The following HPSE2 variants were observed in gnomAD, a reference collection of about 807,000 sequenced individuals.
HPSE2 encodes the protein inactive heparanase-2.
Under a neutral mutation model 60.5 loss-of-function variants are expected in HPSE2, and 38 were observed. That is an observed-to-expected ratio of 0.63 (90% confidence interval 0.48 to 0.82). The LOEUF (loss-of-function observed/expected upper bound fraction) is 0.82, where lower values mean the gene tolerates loss of function less well. HPSE2 is among the 40% of genes least tolerant of loss of function. The pLI is 0.00. For synonymous variants in HPSE2, 295 were observed against 293.2 expected (o/e 1.01, Z -0.06); for missense variants, 713 against 740.4 (o/e 0.96, Z 0.43).
intron 3 of HPSE2, among the ~76,000 whole-genome samples, chr10:99,136,725 T>C (rs1321981976): frequency 6.6e-6 from 1 of 152,192 alleles, no homozygotes; most frequent in Non-Finnish European, 1.5e-5. Context: ...AAACTGGGTA[T>C]TGATGGAACA....
At chr10:99,259,449 C>A in the HPSE2 span, among the ~76,000 whole-genome samples, 1 of 151,970 alleles carries the variant, frequency 6.6e-6, no homozygotes, top group African/African-American at 2.4e-5. Flanking sequence ...AAGAAACAAG[C>A]AACCTAATAA....
rs1156357919 is a variant in HPSE2, at chr10:98,940,133, A to G, written c.611-196077T>C. On this transcript the variant is annotated intron_variant, in intron 3 of 11. Transcript: ENST00000370552. ...TAAATGCCCACAAGAGAAAGCAGGA[A>G]AGATCCAAAATTGACACCCTAACAT... Among the ~76,000 whole-genome samples, 6 of 143,914 alleles carry G rather than the reference A, an allele frequency of 4.2e-5. 2 individuals carry two copies. The highest frequency in any genetic ancestry group is 1.7e-4 in the African/African-American group (6 of 35,354). 94.4% of individuals were successfully genotyped at this position (143,914 alleles called of 152,430 possible).
intron 3 of HPSE2, among the ~76,000 whole-genome samples, chr10:98,943,644 G>T (rs2135164820): frequency 6.6e-6 from 1 of 152,090 alleles, no homozygotes; most frequent in East Asian, 1.9e-4. Flanking sequence ...CTCTCCCCCT[G>T]CTGTCTCTAT....
At chr10:98,631,224 A>G (rs182537726) in intron 7 of HPSE2, among the ~76,000 whole-genome samples, 167 of 152,230 alleles carry the variant, frequency 1.1e-3, no homozygotes, top group African/African-American at 3.7e-3. Flanking sequence ...TGCACTTGTT[A>G]TCTCAAACCA....
chr10:98,528,833 A>G (rs1943049217), intron 9 of HPSE2, among the ~76,000 whole-genome samples: 1 of 152,204 alleles, frequency 6.6e-6, no homozygotes, highest in East Asian at 1.9e-4. Context: ...AAGAAAGGCC[A>G]TGTATTTTTA....
intron 3 of HPSE2, among the ~76,000 whole-genome samples, chr10:98,750,070 G>C (rs1444626871): frequency 6.6e-6 from 1 of 151,714 alleles, no homozygotes; most frequent in Admixed American, 6.6e-5. Flanking sequence ...AGATAGTATA[G>C]AACCAATAGT....
intron 4 of HPSE2, among the ~76,000 whole-genome samples, chr10:98,725,244 C>T (rs1296417427): frequency 1.3e-5 from 2 of 152,148 alleles, no homozygotes; most frequent in African/African-American, 2.4e-5. Flanking sequence ...AACTATACTA[C>T]TAGGCTACAG....
chr10:99,087,415 G>C (rs1589634493), intron 3 of HPSE2, among the ~76,000 whole-genome samples: 1 of 152,184 alleles, frequency 6.6e-6, no homozygotes, highest in East Asian at 1.9e-4. Context: ...ATACACGTAA[G>C]CAATAAGTAT....
intron 6 of HPSE2, among the ~76,000 whole-genome samples, chr10:98,685,374 G>A (rs551499669): frequency 6.6e-6 from 1 of 152,112 alleles, no homozygotes; most frequent in South Asian, 2.1e-4. Context: ...ATCAAAATGC[G>A]GGACATTGCA....
chr10:99,305,315 G>A, the HPSE2 span, among the ~76,000 whole-genome samples: 1 of 152,092 alleles, frequency 6.6e-6, no homozygotes, highest in South Asian at 2.1e-4. Context: ...ACAGAGCCTT[G>A]GTTCTAAACA....
At chr10:99,147,460 G>A (rs1250219912) in intron 2 of HPSE2, among the ~76,000 whole-genome samples, 1 of 152,164 alleles carries the variant, frequency 6.6e-6, no homozygotes, top group East Asian at 1.9e-4. Context: ...AATTTGAAGA[G>A]TAGAACACCA....
At chr10:99,254,162 T>C in the HPSE2 span, among the ~76,000 whole-genome samples, 1 of 152,122 alleles carries the variant, frequency 6.6e-6, no homozygotes, top group Non-Finnish European at 1.5e-5. Flanking sequence ...GGAATCAACC[T>C]AGGTGCTCAT....
chr10:98,902,966 T>G (rs187857625), intron 3 of HPSE2, among the ~76,000 whole-genome samples: 1 of 152,148 alleles, frequency 6.6e-6, no homozygotes, highest in East Asian at 1.9e-4. Context: ...ACACAAAAAC[T>G]TGAACACAAT....
At chr10:99,054,284 A>C (rs571303883) in intron 3 of HPSE2, among the ~76,000 whole-genome samples, 1 of 152,314 alleles carries the variant, frequency 6.6e-6, no homozygotes, top group South Asian at 2.1e-4. Flanking sequence ...CAGAGATATT[A>C]GAAGAAAAGC....
intron 9 of HPSE2, among the ~76,000 whole-genome samples, chr10:98,602,721 T>A (rs563716972): frequency 9.2e-5 from 14 of 152,284 alleles, no homozygotes; most frequent in African/African-American, 2.9e-4. Flanking sequence ...AATAGTCTTT[T>A]CAACAAATGG....
At chr10:98,606,838 A>G (rs1229613144) in intron 9 of HPSE2, among the ~76,000 whole-genome samples, 1 of 152,164 alleles carries the variant, frequency 6.6e-6, no homozygotes, top group East Asian at 1.9e-4. Flanking sequence ...ATTGAGTTAG[A>G]AAAAAACATA....
intron 3 of HPSE2, among the ~76,000 whole-genome samples, chr10:98,909,635 TAA>T (rs770316849): frequency 1.5e-5 from 2 of 134,788 alleles, no homozygotes; most frequent in Admixed American, 7.5e-5. Context: ...TCTCAAAATT[TAA>T]AAAAAAAAAA....
intron 3 of HPSE2, among the ~76,000 whole-genome samples, chr10:98,821,977 T>C (rs902268257): frequency 3.3e-5 from 5 of 152,192 alleles, no homozygotes; most frequent in Admixed American, 6.5e-5. Flanking sequence ...AAAAATCATA[T>C]TGAGCTGATA....
chr10:99,150,724 T>A (rs1846228275), intron 2 of HPSE2, among the ~76,000 whole-genome samples: 1 of 152,158 alleles, frequency 6.6e-6, no homozygotes, highest in Non-Finnish European at 1.5e-5. Flanking sequence ...TATATGCACA[T>A]GCAAGGGAGC....
Sources: allele counts gnomAD v4.1 joint callset (sites outside exome capture counted in the v4.1 genomes callset), GRCh38; gene constraint gnomAD v4.1.1; transcripts MANE v1.5; gene names NCBI Gene and HGNC (gene_info 2026-07-23, HGNC 2026-07-21).